The following AGO2 variants were observed in gnomAD, a reference collection of about 807,000 sequenced individuals.
The protein encoded by AGO2 is protein argonaute-2.
In AGO2, 5 loss-of-function variants were observed where a neutral mutation model predicts 102.3. The observed-to-expected ratio is 0.05, with a 90% CI of 0.03 to 0.10. AGO2 has a LOEUF of 0.10. Among genes scored for constraint, AGO2 ranks in the 10% least tolerant of loss-of-function variants. The pLI is 1.00. For missense variants in AGO2, 541 were observed against 1,183.7 expected (o/e 0.46, Z 7.97); for synonymous variants, 449 against 473.1 (o/e 0.95, Z 0.66).
intron 16 of AGO2, among the ~76,000 whole-genome samples, chr8:140,537,485 C>A (rs1306596106): frequency 6.6e-6 from 1 of 152,046 alleles, no homozygotes; most frequent in Admixed American, 6.6e-5. Context: ...AATTTCTTTT[C>A]GAGATGGGGT....
chr8:140,554,540 G>A (rs561895015), intron 10 of AGO2, among the ~76,000 whole-genome samples: 9 of 152,234 alleles, frequency 5.9e-5, no homozygotes, highest in African/African-American at 2.2e-4. Flanking sequence ...CACAAAAAGG[G>A]GTGAATCATC....
intron 3 of AGO2, among the ~76,000 whole-genome samples, chr8:140,569,123 C>T (rs1214960004): frequency 6.6e-6 from 1 of 152,268 alleles, no homozygotes; most frequent in East Asian, 1.9e-4. Flanking sequence ...CCCAGGTCAG[C>T]AGGCAACAGC....
At chr8:140,532,715 G>T in intron 17 of AGO2, 100 bp from the exon 18 acceptor site, 2 of 1,297,102 alleles carry the variant, frequency 1.5e-6, no homozygotes, top group Non-Finnish European at 1.1e-6. Flanking sequence ...ATGCATCATA[G>T]TCTGGACACG....
At position 140,524,927 on chromosome 8, in the gene AGO2, G is replaced by A. The variant is rs916441780; in HGVS notation, c.*7117C>T. 6.6e-6 allele frequency: 1 copy of A among 152,236 alleles called. No individual in the cohort carries two copies. Among genetic ancestry groups the A allele is most frequent in the Non-Finnish European group, 1.5e-5 (1 of 68,046 alleles). The allele number at this position is 152,236 out of a possible 1,614,324, so 9.4% of individuals were successfully genotyped here. On this transcript the variant is annotated 3_prime_UTR_variant, in exon 19 of 19. Coordinates refer to ENST00000220592, the MANE Select transcript of AGO2 (RefSeq NM_012154.5). The stretch of plus-strand genomic sequence containing the variant: ...TGAATAAGAATGGCCCCAACGTCCA[G>A]TTCCTGGAGACACTTGGGGGAAAGA...
chr8:140,634,996 C>T (rs1441160559), intron 1 of AGO2, among the ~76,000 whole-genome samples: 2 of 151,524 alleles, frequency 1.3e-5, no homozygotes. Flanking sequence ...CGCCCCGAGC[C>T]GGGCGCCCCG....
chr8:140,616,202 T>C (rs2074141239), intron 1 of AGO2, among the ~76,000 whole-genome samples: 1 of 152,202 alleles, frequency 6.6e-6, no homozygotes, highest in South Asian at 2.1e-4. Flanking sequence ...CCCTGCTTTA[T>C]CCAGGCAGCA....
intron 2 of AGO2, among the ~76,000 whole-genome samples, chr8:140,577,651 C>T (rs2073487814): frequency 6.6e-6 from 1 of 152,160 alleles, no homozygotes; most frequent in Non-Finnish European, 1.5e-5. Context: ...GAGCTCGGGA[C>T]AGAGCCCAGA....
rs1017311617 is a variant in AGO2 at position 140,523,621 on chromosome 8, T to C, written c.*8423A>G. Reference sequence around the variant, plus strand: ...AATAAAAACTTGCTTGCCTCTACAGTTATAAAACATGAATTCATACCTTTA... The same window carrying C: ...AATAAAAACTTGCTTGCCTCTACAGCTATAAAACATGAATTCATACCTTTA... On this transcript the variant is annotated 3_prime_UTR_variant, in exon 19 of 19. Coordinates refer to ENST00000220592, the MANE Select transcript of AGO2 (RefSeq NM_012154.5). The C allele has an allele frequency of 6.6e-6, 1 of 152,140 alleles. No homozygotes were observed. Among genetic ancestry groups the C allele is most frequent in the Non-Finnish European group, 1.5e-5 (1 of 68,020 alleles). The allele number at this position is 152,140 out of a possible 1,614,324, so 9.4% of individuals were successfully genotyped here. A position where few individuals can be genotyped will look rare whatever the true frequency, so the allele number is the denominator to read the frequency against.
At chr8:140,561,548 T>C (rs1270638533) in intron 4 of AGO2, among the ~76,000 whole-genome samples, 12 of 152,214 alleles carry the variant, frequency 7.9e-5, no homozygotes, top group East Asian at 1.9e-4. Flanking sequence ...CCTCCACCGA[T>C]AGTTCAAAGC....
intron 16 of AGO2, among the ~76,000 whole-genome samples, chr8:140,535,793 A>G (rs567571406): frequency 6.6e-6 from 1 of 152,308 alleles, no homozygotes; most frequent in African/African-American, 2.4e-5. Flanking sequence ...TTTTCCGCCA[A>G]CTCTCATGAA....
chr8:140,593,781 C>G (rs1250730790), intron 1 of AGO2, among the ~76,000 whole-genome samples: 2 of 152,124 alleles, frequency 1.3e-5, no homozygotes, highest in African/African-American at 4.8e-5. Context: ...GATCCCCATC[C>G]TACAGATGTG....
chr8:140,637,930 C>G (rs1241520441), upstream of AGO2: 1 of 152,392 alleles, frequency 6.6e-6, no homozygotes, highest in Non-Finnish European at 1.5e-5. Flanking sequence ...GCTGCTCTGT[C>G]CCCCAGACCC....
intron 1 of AGO2, among the ~76,000 whole-genome samples, chr8:140,596,818 G>A (rs767185017): frequency 7.2e-5 from 11 of 152,312 alleles, no homozygotes; most frequent in African/African-American, 1.4e-4. Flanking sequence ...GCAAGTGGCC[G>A]GGGTGGGGGA....
At chr8:140,583,236 A>G (rs1034691218) in intron 2 of AGO2, among the ~76,000 whole-genome samples, 3 of 152,226 alleles carry the variant, frequency 2.0e-5, no homozygotes, top group Non-Finnish European at 4.4e-5. Flanking sequence ...CCTGATTATA[A>G]GGCTTTCAGA....
At chr8:140,612,831 G>C (rs1407193956) in intron 1 of AGO2, among the ~76,000 whole-genome samples, 1 of 151,894 alleles carries the variant, frequency 6.6e-6, no homozygotes, top group Non-Finnish European at 1.5e-5. Flanking sequence ...ATCTGAAAAG[G>C]CTACAACAAC....
chr8:140,565,606 A>G (rs1026352391), intron 3 of AGO2, among the ~76,000 whole-genome samples: 1 of 151,494 alleles, frequency 6.6e-6, no homozygotes, highest in Non-Finnish European at 1.5e-5. Flanking sequence ...GCACCACTGC[A>G]CTCCAGCCCT....
At position 140,589,422 on chromosome 8, in the gene AGO2, C is replaced by T. The variant is rs1370604148; in HGVS notation, c.23-4111G>A. ...GCCACCTGAGCTTGGGTGGCAGCCT[C>T]GCTGTGAGGCTGGCACAGGGGCCCA... On this transcript the variant is annotated intron_variant, in intron 1 of 18. Transcript: ENST00000220592. The surrounding 1 kb of genome is among the most constrained non-coding windows in gnomAD (Gnocchi z 4.2). Among the ~76,000 whole-genome samples the T allele has an allele frequency of 6.6e-6, 1 of 151,744 alleles. No homozygotes were observed. The highest frequency in any genetic ancestry group is 2.4e-5 in the African/African-American group (1 of 41,280).
At chr8:140,599,325 T>C (rs573030806) in intron 1 of AGO2, among the ~76,000 whole-genome samples, 144 of 152,248 alleles carry the variant, frequency 9.5e-4, no homozygotes, top group Admixed American at 1.6e-3. Flanking sequence ...GTTTCATACA[T>C]GAGACGGGGG....
At position 140,525,653 on chromosome 8, in the gene AGO2, G is replaced by A. The variant is rs1450952795; in HGVS notation, c.*6391C>T. ...CGGGGCCAAACTCAATGTCTGATGA[G>A]CAGCCAACATGAGAACGGGGCCACC... On this transcript the variant is annotated 3_prime_UTR_variant, in exon 19 of 19. Coordinates refer to ENST00000220592, the MANE Select transcript of AGO2 (RefSeq NM_012154.5). 6.6e-6 allele frequency: 1 copy of A among 152,246 alleles called. No individual in the cohort carries two copies. The highest frequency in any genetic ancestry group is 1.5e-5 in the Non-Finnish European group (1 of 68,080). The allele number at this position is 152,246 out of a possible 1,614,324, so 9.4% of individuals were successfully genotyped here.
Sources: gnomAD v4.1 joint callset for allele counts (sites outside exome capture counted in the v4.1 genomes callset) on GRCh38, gnomAD v4.1.1 for gene constraint, Gnocchi (gnomAD v3.1) non-coding constraint, MANE v1.5 for transcripts, NCBI Gene and HGNC (gene_info 2026-07-23, HGNC 2026-07-21) for gene names.